The following TYW1B variants were observed in gnomAD, a reference collection of about 807,000 sequenced individuals.
The protein encoded by TYW1B is tRNA-yW synthesizing protein 1 homolog B.
Under a neutral mutation model 86.9 loss-of-function variants are expected in TYW1B, and 73 were observed. The observed-to-expected ratio is 0.84, with a 90% CI of 0.70 to 1.02. The LOEUF is 1.02. Ranked by LOEUF, TYW1B falls within the 50% of genes least tolerant of loss-of-function variation. TYW1B has a pLI of 0.00. For missense variants in TYW1B, 637 were observed against 827.4 expected, an observed-to-expected ratio of 0.77 and a Z score of 2.82; for synonymous variants, 248 against 292.8, an observed-to-expected ratio of 0.85 and a Z score of 1.56.
chr7:72,697,550 AAG>A (rs1490303453), intron 10 of TYW1B, among the ~76,000 whole-genome samples: 2 of 152,176 alleles, frequency 1.3e-5, no homozygotes, highest in Admixed American at 1.3e-4. Flanking sequence ...ATTCACCCAG[AAG>A]AGATAATGAG....
intron 13 of TYW1B, among the ~76,000 whole-genome samples, chr7:72,598,413 CCTGA>C (rs1157028071): frequency 3.3e-5 from 5 of 151,882 alleles, no homozygotes; most frequent in Non-Finnish European, 5.9e-5. Flanking sequence ...CTAACAGAAC[CCTGA>C]CTAATACACA....
chr7:72,777,546 AAAAG>A lies in TYW1B; in HGVS notation c.847-17_847-14del, dbSNP rs1554470802. On this transcript the variant is annotated splice_polypyrimidine_tract_variant and intron_variant, in intron 6 of 13. Transcript: ENST00000620995. ...GTTCCTTTTCTCTCTGCATTAAAAT[AAAAG>A]AATGAAATCCAGAATTGGCAATGTG... is the stretch of plus-strand genomic sequence containing the variant. 6.2e-7 allele frequency: 1 copy of A among 1,613,630 alleles called. No individual in the cohort carries two copies. The highest frequency in any genetic ancestry group is 8.5e-7 in the Non-Finnish European group (1 of 1,179,782).
intron 7 of TYW1B, among the ~76,000 whole-genome samples, chr7:72,768,365 G>A (rs1386116792): frequency 6.6e-6 from 1 of 152,114 alleles, no homozygotes. Flanking sequence ...ACCGCTCTAG[G>A]AATACAGACA....
At position 72,685,627 on chromosome 7, in the gene TYW1B, C is replaced by T. The variant is rs1212053599; in HGVS notation, c.1506+9060G>A. On this transcript the variant is annotated intron_variant, in intron 11 of 13. Transcript: ENST00000620995. ...CACATGCAAAAAAAAAGAATCTAAA[C>T]GAACACCTTATATCTCTCCCAAAAA... 3.3e-5 allele frequency among the ~76,000 whole-genome samples: 5 copies of T among 151,990 alleles called. 1 individual carries two copies. In the Middle Eastern group the frequency reaches 0.01, roughly 310 times the overall value.
intron 2 of TYW1B, among the ~76,000 whole-genome samples, chr7:72,818,793 G>A (rs13311277): frequency 1.3e-5 from 2 of 151,506 alleles, no homozygotes; most frequent in East Asian, 1.9e-4. Context: ...AGAAGGAGGA[G>A]GTGCCACACA....
intron 2 of TYW1B, among the ~76,000 whole-genome samples, chr7:72,816,470 A>G (rs1331356302): frequency 1.4e-4 from 22 of 152,320 alleles, no homozygotes; most frequent in Non-Finnish European, 2.5e-4. Flanking sequence ...AGCCCTAGGG[A>G]AGAGTTCACA....
intron 5 of TYW1B, among the ~76,000 whole-genome samples, chr7:72,804,521 C>A (rs1286440530): frequency 6.6e-6 from 1 of 152,042 alleles, no homozygotes; most frequent in Non-Finnish European, 1.5e-5. Flanking sequence ...CATGGCCATG[C>A]TCCCAAAACT....
intron 11 of TYW1B, among the ~76,000 whole-genome samples, chr7:72,647,829 C>T (rs1448494842): frequency 6.6e-6 from 1 of 152,060 alleles, no homozygotes; most frequent in Non-Finnish European, 1.5e-5. Context: ...GAACTACAGG[C>T]ACATGCCATC....
At chr7:72,645,947 T>C (rs1812918151) in intron 11 of TYW1B, among the ~76,000 whole-genome samples, 1 of 148,402 alleles carries the variant, frequency 6.7e-6, no homozygotes, top group Admixed American at 6.8e-5. Flanking sequence ...CATGTATATA[T>C]GTATTATATA....
intron 10 of TYW1B, among the ~76,000 whole-genome samples, chr7:72,706,533 C>T (rs2129570571): frequency 6.6e-6 from 1 of 151,828 alleles, no homozygotes; most frequent in East Asian, 1.9e-4. Flanking sequence ...ATATTCTCTC[C>T]TTACTCAAAG....
chr7:72,694,883 G>T, intron 10 of TYW1B, 61 bp from the exon 11 acceptor site: 2 of 1,556,228 alleles, frequency 1.3e-6, no homozygotes, highest in Non-Finnish European at 1.7e-6. Context: ...GGCTTTCCAT[G>T]ATATAAAACC....
At chr7:72,673,039 T>C (rs1331317311) in intron 11 of TYW1B, among the ~76,000 whole-genome samples, 2 of 152,100 alleles carry the variant, frequency 1.3e-5, no homozygotes, top group African/African-American at 4.8e-5. Context: ...TGTCGCGGCG[T>C]GCACCTGTAG....
chr7:72,591,607 CATTTCCAAATAAACAAAA>C (rs2129567827), intron 13 of TYW1B, among the ~76,000 whole-genome samples: 1 of 152,202 alleles, frequency 6.6e-6, no homozygotes, highest in East Asian at 1.9e-4. Context: ...GGAAATAAGA[CATTTCCAAATAAACAAAA>C]GCTGAGGTAG....
At chr7:72,742,409 C>A (rs1292055601) in intron 8 of TYW1B, among the ~76,000 whole-genome samples, 1 of 152,194 alleles carries the variant, frequency 6.6e-6, no homozygotes, top group Non-Finnish European at 1.5e-5. Flanking sequence ...GTGTTACAGG[C>A]ATAAGCCACT....
intron 11 of TYW1B, among the ~76,000 whole-genome samples, chr7:72,644,439 T>C (rs1812876810): frequency 6.6e-6 from 1 of 152,094 alleles, no homozygotes. Context: ...TCCCAGCTAC[T>C]TGGGAGGCTG....
intron 11 of TYW1B, among the ~76,000 whole-genome samples, chr7:72,631,583 T>TA (rs1437445003): frequency 1.3e-5 from 2 of 152,114 alleles, no homozygotes; most frequent in Non-Finnish European, 1.5e-5. Flanking sequence ...TACTCTTTCT[T>TA]AAAAAACACT....
chr7:72,747,018 G>C (rs1787407519), intron 7 of TYW1B, among the ~76,000 whole-genome samples: 1 of 152,138 alleles, frequency 6.6e-6, no homozygotes. Flanking sequence ...AGCAGTATTT[G>C]GGTCTTTTAT....
At chr7:72,662,133 T>C (rs1490617370) in intron 11 of TYW1B, among the ~76,000 whole-genome samples, 5 of 152,206 alleles carry the variant, frequency 3.3e-5, no homozygotes, top group African/African-American at 9.6e-5. Flanking sequence ...AATTCTCCAG[T>C]GTTTTTCAGG....
intron 13 of TYW1B, among the ~76,000 whole-genome samples, chr7:72,581,203 G>C (rs1413914743): frequency 7.6e-6 from 1 of 132,228 alleles, no homozygotes. Context: ...AGACAATTCA[G>C]AAAGGATCTG....
Sources: allele counts gnomAD v4.1 joint callset (sites outside exome capture counted in the v4.1 genomes callset), GRCh38; gene constraint gnomAD v4.1.1; transcripts MANE v1.5; gene names NCBI Gene and HGNC (gene_info 2026-07-23, HGNC 2026-07-21).